RSRP1: variants seen among roughly 807,000 people sequenced by gnomAD.
RSRP1 encodes arginine and serine rich protein 1.
Under a neutral mutation model 33.0 loss-of-function variants are expected in RSRP1, and 37 were observed. The ratio of observed to expected loss-of-function variants is 1.12; its 90% CI spans 0.86 to 1.48. The LOEUF (loss-of-function observed/expected upper bound fraction) is 1.48. Among genes scored for constraint, RSRP1 ranks in the 40% most tolerant of loss-of-function variants. The pLI, the probability that RSRP1 is intolerant of heterozygous loss-of-function variation, is 0.00. For missense variants in RSRP1, 402 were observed against 385.3 expected, an observed-to-expected ratio of 1.04 and a Z score of -0.36; for synonymous variants, 167 against 158.7, an observed-to-expected ratio of 1.05 and a Z score of -0.40.
At chr1:25,262,009 G>A (rs949580371) in intron 1 of RSRP1, among the ~76,000 whole-genome samples, 3 of 152,082 alleles carry the variant, frequency 2.0e-5, no homozygotes, top group Non-Finnish European at 2.9e-5. Context: ...ACTGTGCCTG[G>A]CCAAAAATGT....
At position 25,319,560 on chromosome 1, in the gene RSRP1, G is replaced by A. The variant is rs1164680584; in HGVS notation, c.-67+18418C>T. Among the ~76,000 whole-genome samples the A allele has an allele frequency of 3.8e-5, 5 of 132,240 alleles. 2 individuals are homozygous for A. Among genetic ancestry groups the A allele is most frequent in the Non-Finnish European group, 9.0e-5 (5 of 55,850 alleles). The allele number at this position is 132,240 out of a possible 152,430, so 86.8% of individuals were successfully genotyped here. On this transcript the variant is annotated intron_variant, in intron 1 of 1. Coordinates refer to the RSRP1 transcript ENST00000561867. ...GGAGGCAGAAGTTGCAGTGAGCTGA[G>A]ATCATGCCACTGCACTCCAGCCTGG...
intron 1 of RSRP1, among the ~76,000 whole-genome samples, chr1:25,254,624 C>T (rs1184792447): frequency 1.3e-5 from 2 of 151,962 alleles, no homozygotes; most frequent in East Asian, 1.9e-4. Context: ...TTAGTAGGGA[C>T]GGGGTTTCAC....
intron 2 of RSRP1, 95 bp downstream of exon 2, chr1:25,246,345 GAACT>G (rs957316815): frequency 6.6e-7 from 1 of 1,516,574 alleles, no homozygotes; most frequent in Admixed American, 2.1e-5. Flanking sequence ...GGCACTAAAG[GAACT>G]AATATTGAAA....
chr1:25,321,423 G>A lies in RSRP1; in HGVS notation c.-67+16555C>T, dbSNP rs143712728. On this transcript the variant is annotated intron_variant, in intron 1 of 1. Transcript: ENST00000561867. ...TGCCTGTAATACTAGCACTTTGGAA[G>A]GCTGAGGTGGGTGGATCACCTGAGG... 4.9e-5 allele frequency among the ~76,000 whole-genome samples: 6 copies of A among 122,480 alleles called. 1 individual carries two copies. Among genetic ancestry groups the A allele is most frequent in the African/African-American group, 1.6e-4 (6 of 36,484 alleles). The allele number at this position is 122,480 out of a possible 152,430, so 80.4% of individuals were successfully genotyped here.
intron 1 of RSRP1, among the ~76,000 whole-genome samples, chr1:25,259,159 T>C (rs1640046464): frequency 6.6e-6 from 1 of 152,154 alleles, no homozygotes; most frequent in Non-Finnish European, 1.5e-5. Context: ...AATGGCACCA[T>C]CTTGGCTCAC....
intron 1 of RSRP1, among the ~76,000 whole-genome samples, chr1:25,311,597 G>C (rs1468969904): frequency 7.7e-6 from 1 of 130,180 alleles, no homozygotes; most frequent in East Asian, 2.0e-4. Flanking sequence ...ATCAGGACAA[G>C]GGAGAAAAAC....
intron 1 of RSRP1, among the ~76,000 whole-genome samples, chr1:25,262,563 C>A (rs1223955394): frequency 1.3e-5 from 2 of 152,250 alleles, no homozygotes; most frequent in Admixed American, 1.3e-4. Flanking sequence ...GCTGAGAAGT[C>A]CCACAGCAGA....
chr1:25,296,278 CATCA>C lies in RSRP1; in HGVS notation c.-67+41696_-67+41699del, dbSNP rs1239071893. Among the ~76,000 whole-genome samples the C allele has an allele frequency of 3.9e-3, 501 of 128,404 alleles. 46 individuals carry two copies. The highest frequency in any genetic ancestry group is 0.012 in the African/African-American group (445 of 37,502). The allele number at this position is 128,404 out of a possible 152,430, so 84.2% of individuals were successfully genotyped here. Reference sequence around the variant, plus strand: ...TTTTCTTTGAGACAGAGTCTTGCTCCATCAATCACCCAGGCTGGAGTGCGGTGGT... The same window carrying C: ...TTTTCTTTGAGACAGAGTCTTGCTCCATCACCCAGGCTGGAGTGCGGTGGT... On this transcript the variant is annotated intron_variant, in intron 1 of 1. Transcript: ENST00000561867.
chr1:25,297,563 A>G lies in RSRP1; in HGVS notation c.-67+40415T>C, dbSNP rs1280408594. Reference sequence around the variant, plus strand: ...AATAATTGCCAATGGTGGTTTTCTAATTCCATCTTTCCTTCAGTAGTTGGC... The same window carrying G: ...AATAATTGCCAATGGTGGTTTTCTAGTTCCATCTTTCCTTCAGTAGTTGGC... On this transcript the variant is annotated intron_variant, in intron 1 of 1. Coordinates refer to the RSRP1 transcript ENST00000561867. 3.2e-4 allele frequency among the ~76,000 whole-genome samples: 42 copies of G among 130,194 alleles called. 8 individuals are homozygous for G. Among genetic ancestry groups the G allele is most frequent in the African/African-American group, 1.1e-3 (41 of 37,826 alleles). The allele number at this position is 130,194 out of a possible 152,430, so 85.4% of individuals were successfully genotyped here. A position where few individuals can be genotyped will look rare whatever the true frequency, so the allele number is the denominator to read the frequency against.
intron 1 of RSRP1, among the ~76,000 whole-genome samples, chr1:25,333,520 T>C (rs555791932): frequency 7.7e-6 from 1 of 129,772 alleles, no homozygotes; most frequent in East Asian, 2.0e-4. Context: ...AGAAGCCATG[T>C]GACAGAGAAG....
intron 1 of RSRP1, among the ~76,000 whole-genome samples, chr1:25,261,950 G>A (rs1254940270): frequency 6.6e-6 from 1 of 151,896 alleles, no homozygotes; most frequent in South Asian, 2.1e-4. Context: ...GACCTCAAGT[G>A]ATCCTCCTGC....
chr1:25,242,763 A>C, intron 4 of RSRP1, 58 bp from the exon 5 acceptor site: 2 of 1,188,802 alleles, frequency 1.7e-6, no homozygotes, highest in East Asian at 2.3e-5. Context: ...TTTTTTCACA[A>C]AAAAAAGTAC....
At chr1:25,319,450 A>G (rs1318880762) in intron 1 of RSRP1, among the ~76,000 whole-genome samples, 4 of 131,480 alleles carry the variant, frequency 3.0e-5, no homozygotes, top group African/African-American at 1.0e-4. Flanking sequence ...ATCTCTACAA[A>G]AGATACAAAA....
upstream of RSRP1, chr1:25,247,534 G>T (rs74060750): frequency 0.012 from 1,876 of 152,474 alleles, 34 homozygotes; most frequent in African/African-American, 0.042. Flanking sequence ...CGTGGTGGGC[G>T]CGGCTCTTCT....
rs142484009 is a variant in RSRP1 at position 25,303,365 on chromosome 1, G to A, written c.-67+34613C>T. On this transcript the variant is annotated intron_variant, in intron 1 of 1. Coordinates refer to the RSRP1 transcript ENST00000561867. ...GTGTTGGCAGGAGGCGTGGCTGTGG[G>A]TACCTCGTGTCACCTGATCCCTTCT... 3.2e-5 allele frequency: 44 copies of A among 1,374,164 alleles called. 11 individuals are homozygous for A. The Middle Eastern group carries it at 7.4e-4, about 23-fold the overall frequency. The allele number at this position is 1,374,164 out of a possible 1,614,324, so 85.1% of individuals were successfully genotyped here.
rs1641154281 is a variant in RSRP1 at position 25,277,909 on chromosome 1, G to A, written c.-66-30880C>T. On this transcript the variant is annotated intron_variant, in intron 1 of 1. Transcript: ENST00000561867. ...GGCTGGTCTCGAACTCCCAACCTCA[G>A]GTGATGCACCCGCCTTGGCCTCCCA... Among the ~76,000 whole-genome samples, 2 of 132,966 alleles carry A rather than the reference G, an allele frequency of 1.5e-5. 1 individual carries two copies. The highest frequency in any genetic ancestry group is 1.5e-4 in the Admixed American group (2 of 13,716). The allele number at this position is 132,966 out of a possible 152,430, so 87.2% of individuals were successfully genotyped here. A position where few individuals can be genotyped will look rare whatever the true frequency, so the allele number is the denominator to read the frequency against.
At chr1:25,272,798 C>T in intron 1 of RSRP1, 1 of 1,287,648 alleles carries the variant, frequency 7.8e-7, no homozygotes, top group Non-Finnish European at 1.1e-6. Context: ...TCTACAAAAT[C>T]CCAAGGAAAA....
chr1:25,247,153 G>A, intron 1 of RSRP1, 124 bp from the exon 2 acceptor site: 1 of 601,956 alleles, frequency 1.7e-6, no homozygotes, highest in Non-Finnish European at 2.7e-6. Context: ...GCCGCGACAG[G>A]AACCGAGCCC....
Position 25,243,549 on chromosome 1 carries a change from C to T in RSRP1, c.756+1G>A, listed in dbSNP as rs1362530482. 4.3e-6 allele frequency: 7 copies of T among 1,613,412 alleles called. No individual in the cohort carries two copies. The highest frequency in any genetic ancestry group is 5.9e-6 in the Non-Finnish European group (7 of 1,179,744). On this transcript the variant is annotated splice_donor_variant, in intron 4 of 4. Transcript: ENST00000243189. LOFTEE classifies it high-confidence loss of function. ...AGTGTTCAATGCCTGGATATACTTACATTAGAGCTAAAAGCTATGCTTCTT... is the reference window on the plus strand; with the variant it reads ...AGTGTTCAATGCCTGGATATACTTATATTAGAGCTAAAAGCTATGCTTCTT...
Sources: allele counts gnomAD v4.1 joint callset (sites outside exome capture counted in the v4.1 genomes callset), GRCh38; gene constraint gnomAD v4.1.1; transcripts MANE v1.5; gene names NCBI Gene and HGNC (gene_info 2026-07-23, HGNC 2026-07-21).